The following DMD variants were observed in gnomAD, a reference collection of about 807,000 sequenced individuals.
The protein encoded by DMD is mutant dystrophin.
DMD carries 63 observed loss-of-function variants against 330.1 expected under a neutral mutation model. That is an observed-to-expected ratio of 0.19 (90% CI 0.16 to 0.24). DMD has a LOEUF of 0.24. DMD is among the 10% of genes least tolerant of loss of function. The pLI is 1.00. For synonymous variants in DMD, 1,223 were observed against 959.8 expected (o/e 1.27, Z -5.07); for missense variants, 3,344 against 2,684.1 (o/e 1.25, Z -5.43).
chrX:32,196,404 C>A (rs1462110185), intron 44 of DMD, among the ~76,000 whole-genome samples: 1 of 112,086 alleles, frequency 8.9e-6, no homozygotes, highest in Non-Finnish European at 1.9e-5. Flanking sequence ...CCAGCCATTT[C>A]ATCACACTAA....
At chrX:32,367,227 A>G (rs1421728981) in intron 34 of DMD, among the ~76,000 whole-genome samples, 2 of 111,824 alleles carry the variant, frequency 1.8e-5, no homozygotes, top group African/African-American at 3.2e-5. Flanking sequence ...TACAACCTCT[A>G]CAACCATAGA....
chrX:31,711,085 A>G (rs201888094), intron 52 of DMD, among the ~76,000 whole-genome samples: 2 of 101,082 alleles, frequency 2.0e-5, no homozygotes, highest in East Asian at 2.9e-4. Flanking sequence ...TTGGCTCCAG[A>G]CCAAAAAAAA....
chrX:31,883,619 T>C lies in DMD; in HGVS notation c.6913-8246A>G, dbSNP rs755329506. Among the ~76,000 whole-genome samples the C allele has an allele frequency of 1.2e-3, 136 of 111,590 alleles. 2 individuals carry two copies. Among genetic ancestry groups the C allele is most frequent in the Non-Finnish European group, 5.8e-4 (31 of 53,125 alleles). The stretch of plus-strand genomic sequence containing the variant: ...GACCTATGACAAGAATGTTCAATTA[T>C]GTCACTCTGGCGAAAAAGTGAAACG... On this transcript the variant is annotated intron_variant, in intron 47 of 78. Transcript: ENST00000357033.
At chrX:32,731,001 A>G (rs187326832) in intron 7 of DMD, among the ~76,000 whole-genome samples, 3,130 of 111,614 alleles carry the variant, frequency 0.028, 44 homozygotes, top group Middle Eastern at 0.08. Flanking sequence ...CTGAGGTACC[A>G]GGTTCATCTC....
At chrX:32,222,105 G>A (rs938404666) in intron 43 of DMD, among the ~76,000 whole-genome samples, 17 of 111,651 alleles carry the variant, frequency 1.5e-4, no homozygotes, top group Non-Finnish European at 2.8e-4. Flanking sequence ...GTACATAATC[G>A]GTAGTGAGAT....
chrX:33,221,112 T>C (rs1343480941), intron 1 of DMD, among the ~76,000 whole-genome samples: 1 of 111,725 alleles, frequency 9.0e-6, no homozygotes, highest in Non-Finnish European at 1.9e-5. Context: ...ATGACCATAG[T>C]GACAAATTCT....
At chrX:33,187,461 G>C (rs766493371) in intron 1 of DMD, among the ~76,000 whole-genome samples, 1 of 112,729 alleles carries the variant, frequency 8.9e-6, no homozygotes, top group African/African-American at 3.2e-5. Context: ...ACACTCAACT[G>C]TATCCAAAGC....
rs2068034053 is a variant in DMD at position 31,478,992 on chromosome X, C to T, written c.8659G>A (p.Glu2887Lys). 4 of 1,208,275 alleles carry T rather than the reference C, an allele frequency of 3.3e-6. No individual in the cohort carries two copies. Among genetic ancestry groups the T allele is most frequent in the Non-Finnish European group, 3.4e-6 (3 of 894,078 alleles). The change falls in exon 58 of 79, where the codon GAG becomes AAG. Residue 2887 changes from glutamate (E) to lysine (K), a missense_variant. By Grantham distance (56) the Glu-to-Lys change is moderately conservative. Transcript: ENST00000357033. ...PLEGLEKLYQ[E>K]PRELPPEERA... ...TTCCACATTCAATTACCTCTGGGCT[C>T]CTGGTAGAGTTTCTCTAGTCCTTCC...
At chrX:32,468,986 T>C (rs1454867875) in intron 22 of DMD, among the ~76,000 whole-genome samples, 1 of 110,911 alleles carries the variant, frequency 9.0e-6, no homozygotes, top group Non-Finnish European at 1.9e-5. Context: ...CCAAAAAGTT[T>C]TGGTGCATCT....
At chrX:32,852,392 C>T (rs2081209851) in intron 2 of DMD, among the ~76,000 whole-genome samples, 1 of 111,794 alleles carries the variant, frequency 8.9e-6, no homozygotes, top group Non-Finnish European at 1.9e-5. Flanking sequence ...GCAGTAGTAG[C>T]CAGGCAGTAT....
chrX:31,697,512 C>A (rs755364500), intron 52 of DMD, among the ~76,000 whole-genome samples: 2 of 111,632 alleles, frequency 1.8e-5, no homozygotes, highest in African/African-American at 3.2e-5. Context: ...GATTTACGAA[C>A]CTCCAGAAGT....
intron 1 of DMD, among the ~76,000 whole-genome samples, chrX:33,139,868 T>TAAAAAAAAAAAAAAAAAAAAA (rs3990971): frequency 4.7e-5 from 3 of 64,377 alleles, no homozygotes; most frequent in African/African-American, 2.4e-4. Context: ...GCCCCATCGC[T>TAAAAAAAAAAAAAAAAAAAAA]AAAAAAAAAA....
chrX:32,438,355 G>T lies in DMD; in HGVS notation c.3957C>A (p.Asn1319Lys). 1 of 1,211,141 alleles carries T rather than the reference G, an allele frequency of 8.3e-7. No individual in the cohort carries two copies. Among genetic ancestry groups the T allele is most frequent in the Admixed American group, 2.2e-5 (1 of 45,968 alleles). ...GTGCCAATATGCGAATCTGATTTGG[G>T]TTATCCTCTGAATGTCGCATCAAAT... ...LENLMRHSED[N>K]PNQIRILAQT... Residue 1319 changes from asparagine (N) to lysine (K), a missense_variant, in exon 29 of 79, where the codon AAC (asparagine) becomes AAA (lysine). Coordinates refer to ENST00000357033, the MANE Select transcript of DMD (RefSeq NM_004006.3).
intron 43 of DMD, among the ~76,000 whole-genome samples, chrX:32,276,852 G>A (rs1000962196): frequency 2.7e-5 from 3 of 110,436 alleles, no homozygotes; most frequent in African/African-American, 9.9e-5. Context: ...CCCAGGAGGC[G>A]GAGGTTGCAG....
At chrX:33,135,882 T>C (rs941844134) in intron 1 of DMD, among the ~76,000 whole-genome samples, 9 of 112,669 alleles carry the variant, frequency 8.0e-5, no homozygotes, top group Admixed American at 2.8e-4. Context: ...TTAGCTATCA[T>C]TATATAGTTC....
chrX:31,547,077 T>C (rs765103631), intron 55 of DMD, among the ~76,000 whole-genome samples: 48 of 112,480 alleles, frequency 4.3e-4, no homozygotes, highest in African/African-American at 1.5e-3. Context: ...AAATTTTCCA[T>C]CACGTAACTG....
chrX:31,800,505 C>T (rs1217847915), intron 50 of DMD, among the ~76,000 whole-genome samples: 2 of 112,144 alleles, frequency 1.8e-5, no homozygotes, highest in East Asian at 2.8e-4. Flanking sequence ...CCATGTTTTC[C>T]TTTTAGGCCT....
intron 7 of DMD, among the ~76,000 whole-genome samples, chrX:32,766,205 G>C (rs2072961616): frequency 9.0e-6 from 1 of 111,189 alleles, no homozygotes; most frequent in Admixed American, 9.6e-5. Flanking sequence ...GGGAATTTTT[G>C]ATAGAGTTGT....
intron 1 of DMD, among the ~76,000 whole-genome samples, chrX:33,170,164 T>A (rs1351357695): frequency 1.8e-5 from 2 of 111,292 alleles, no homozygotes; most frequent in Non-Finnish European, 1.9e-5. Flanking sequence ...GATTATCAAC[T>A]GAAAAATGTA....
Sources: allele counts gnomAD v4.1 joint callset (sites outside exome capture counted in the v4.1 genomes callset), GRCh38; gene constraint gnomAD v4.1.1; transcripts MANE v1.5; gene names NCBI Gene and HGNC (gene_info 2026-07-23, HGNC 2026-07-21).